Variants in FUT8 observed in about 807,000 individuals in gnomAD.
The protein encoded by FUT8 is alpha-(1,6)-fucosyltransferase.
Under a neutral mutation model 71.3 loss-of-function variants are expected in FUT8, and 29 were observed. That is an observed-to-expected ratio of 0.41 (90% CI 0.30 to 0.55). The LOEUF (loss-of-function observed/expected upper bound fraction) is 0.55, where lower values mean the gene tolerates loss of function less well. FUT8 is among the 20% of genes least tolerant of loss of function. The pLI is 0.34. For missense variants in FUT8, 544 were observed against 702.1 expected, an observed-to-expected ratio of 0.77 and a Z score of 2.55; for synonymous variants, 254 against 239.3, an observed-to-expected ratio of 1.06 and a Z score of -0.57.
chr14:65,404,740 T>C, the FUT8 span, among the ~76,000 whole-genome samples: 1 of 152,228 alleles, frequency 6.6e-6, no homozygotes, highest in African/African-American at 2.4e-5. Flanking sequence ...CCCCAAGTGC[T>C]GGGATTACAG....
At chr14:65,581,398 T>C (rs1253784105) in intron 3 of FUT8, among the ~76,000 whole-genome samples, 2 of 152,154 alleles carry the variant, frequency 1.3e-5, no homozygotes, top group Non-Finnish European at 2.9e-5. Context: ...TATTTACCCG[T>C]GAAGTAAACA....
chr14:65,460,387 C>T (rs1169830912), intron 2 of FUT8, among the ~76,000 whole-genome samples: 1 of 152,214 alleles, frequency 6.6e-6, no homozygotes, highest in Non-Finnish European at 1.5e-5. Context: ...AAAGGTTGGG[C>T]ATATTTGCTT....
intron 9 of FUT8, among the ~76,000 whole-genome samples, chr14:65,729,047 T>C (rs1180144913): frequency 3.3e-5 from 5 of 149,384 alleles, no homozygotes; most frequent in Admixed American, 6.7e-5. Flanking sequence ...TTTTTTTTTT[T>C]TTTTTTTTTG....
chr14:65,423,719 C>G (rs1307888620), intron 1 of FUT8, among the ~76,000 whole-genome samples: 1 of 152,148 alleles, frequency 6.6e-6, no homozygotes, highest in Non-Finnish European at 1.5e-5. Context: ...AGCTTTAGAT[C>G]CTTCGCCTTC....
upstream of FUT8, chr14:65,411,719 C>T (rs1452283623): frequency 3.6e-6 from 1 of 280,814 alleles, no homozygotes; most frequent in Non-Finnish European, 6.9e-6. Flanking sequence ...CACCGTAAAG[C>T]GCCCCAGGCT....
At position 65,550,263 on chromosome 14, in the gene FUT8, C is replaced by T. The variant is rs561991670; in HGVS notation, c.-227-11074C>T. ...GGAGGAGATACCAGGCTCTTTTTAACAAGATCATTGTGTGTTCTGATGAAC... is the reference window on the plus strand; with the variant it reads ...GGAGGAGATACCAGGCTCTTTTTAATAAGATCATTGTGTGTTCTGATGAAC... On this transcript the variant is annotated intron_variant, in intron 2 of 10. Coordinates refer to ENST00000673929, the MANE Select transcript of FUT8 (RefSeq NM_001371533.1). The surrounding 1 kb of genome is among the most constrained non-coding windows in gnomAD (Gnocchi z 4.5). Among the ~76,000 whole-genome samples the T allele has an allele frequency of 6.6e-6, 1 of 152,044 alleles. No individual in the cohort carries two copies. The highest frequency in any genetic ancestry group is 2.4e-5 in the African/African-American group (1 of 41,412).
intron 2 of FUT8, among the ~76,000 whole-genome samples, chr14:65,503,699 G>C (rs2066682393): frequency 6.6e-6 from 1 of 152,078 alleles, no homozygotes; most frequent in Admixed American, 6.6e-5. Context: ...GATTTTGAAA[G>C]GTTCTAGGTT....
chr14:65,511,360 A>G (rs1165422833), intron 2 of FUT8, among the ~76,000 whole-genome samples: 3 of 152,130 alleles, frequency 2.0e-5, no homozygotes, highest in Non-Finnish European at 4.4e-5. Context: ...AATGATCCAT[A>G]TGCTAAAGAA....
chr14:65,736,601 G>A lies in FUT8; in HGVS notation c.1410+3220G>A, dbSNP rs551532943. Among the ~76,000 whole-genome samples the A allele has an allele frequency of 3.3e-5, 5 of 152,086 alleles. No homozygotes were observed. The East Asian group carries it at 7.7e-4, about 24-fold the overall frequency. ...AAACAAAAGTTCTTCATTCCCAAAA[G>A]GTGAGTGAAGACTTAGTATTTGAAG... On this transcript the variant is annotated intron_variant, in intron 10 of 10. Coordinates refer to ENST00000673929, the MANE Select transcript of FUT8 (RefSeq NM_001371533.1).
intron 3 of FUT8, among the ~76,000 whole-genome samples, chr14:65,568,732 T>A (rs1405774551): frequency 6.6e-6 from 1 of 151,594 alleles, no homozygotes; most frequent in Non-Finnish European, 1.5e-5. Flanking sequence ...TTGCTGAGTC[T>A]GATCTAGTAT....
chr14:65,442,792 G>A (rs1231531046), intron 1 of FUT8, among the ~76,000 whole-genome samples: 1 of 149,850 alleles, frequency 6.7e-6, no homozygotes, highest in Non-Finnish European at 1.5e-5. Context: ...GCCAAGTTGG[G>A]CCTGGGTGAC....
At chr14:65,600,274 A>G (rs1478983699) in intron 3 of FUT8, among the ~76,000 whole-genome samples, 2 of 152,204 alleles carry the variant, frequency 1.3e-5, no homozygotes, top group African/African-American at 4.8e-5. Flanking sequence ...AGCTGGTTAT[A>G]TGACAGAGCT....
intron 2 of FUT8, among the ~76,000 whole-genome samples, chr14:65,460,051 G>C (rs1959148): frequency 0.061 from 9,302 of 152,228 alleles, 490 homozygotes; most frequent in South Asian, 0.19. Flanking sequence ...AGATTTTTGA[G>C]AGAAGAAAGT....
At chr14:65,650,140 C>T (rs1566874860) in intron 6 of FUT8, among the ~76,000 whole-genome samples, 1 of 149,798 alleles carries the variant, frequency 6.7e-6, no homozygotes, top group Non-Finnish European at 1.5e-5. Flanking sequence ...ACTAAAAATA[C>T]AAAAAAAAAT....
intron 3 of FUT8, among the ~76,000 whole-genome samples, chr14:65,575,684 T>C (rs1217123788): frequency 6.6e-6 from 1 of 150,926 alleles, no homozygotes; most frequent in Non-Finnish European, 1.5e-5. Context: ...AGCGGCACAT[T>C]CTCTGCTTAC....
chr14:65,727,270 AT>A (rs1895732337), intron 9 of FUT8, among the ~76,000 whole-genome samples: 2 of 152,266 alleles, frequency 1.3e-5, no homozygotes, highest in African/African-American at 4.8e-5. Flanking sequence ...CTGACCCCAC[AT>A]TTTGCTTCTC....
At chr14:65,360,051 T>C in the FUT8 span, among the ~76,000 whole-genome samples, 318 of 152,282 alleles carry the variant, frequency 2.1e-3, 1 homozygote, top group African/African-American at 7.3e-3. Context: ...CAAGATGATC[T>C]TGATCTCCTG....
At chr14:65,704,648 G>A (rs1894472590) in intron 7 of FUT8, among the ~76,000 whole-genome samples, 1 of 152,150 alleles carries the variant, frequency 6.6e-6, no homozygotes, top group East Asian at 1.9e-4. Flanking sequence ...CCCTTTATTA[G>A]CAAGCTGTCT....
chr14:65,435,639 G>T (rs892909382), intron 1 of FUT8, among the ~76,000 whole-genome samples: 9 of 152,126 alleles, frequency 5.9e-5, no homozygotes, highest in Admixed American at 6.6e-5. Context: ...GCAGATTGCT[G>T]GATGATATGG....
Sources: allele counts gnomAD v4.1 joint callset (sites outside exome capture counted in the v4.1 genomes callset), GRCh38; gene constraint gnomAD v4.1.1; non-coding constraint Gnocchi (gnomAD v3.1); transcripts MANE v1.5; gene names NCBI Gene and HGNC (gene_info 2026-07-23, HGNC 2026-07-21).